The following MAF variants were observed in gnomAD, a reference collection of about 807,000 sequenced individuals.
MAF encodes the protein transcription factor Maf.
Under a neutral mutation model 22.0 loss-of-function variants are expected in MAF, and 10 were observed. The ratio of observed to expected loss-of-function variants is 0.45; its 90% CI spans 0.28 to 0.77. The LOEUF (loss-of-function observed/expected upper bound fraction) is 0.77, where lower values mean the gene tolerates loss of function less well. MAF is among the 30% of genes least tolerant of loss of function. MAF has a pLI of 0.12. For missense variants in MAF, 544 were observed against 548.4 expected (o/e 0.99, Z 0.08); for synonymous variants, 337 against 255.8 (o/e 1.32, Z -3.03).
the MAF span, among the ~76,000 whole-genome samples, chr16:79,318,018 G>C: frequency 6.6e-6 from 1 of 152,106 alleles, no homozygotes; most frequent in East Asian, 1.9e-4. Flanking sequence ...GCCTTTGTTT[G>C]GTTCTTTTAT....
At chr16:79,448,550 C>T in the MAF span, among the ~76,000 whole-genome samples, 4 of 151,832 alleles carry the variant, frequency 2.6e-5, no homozygotes, top group Non-Finnish European at 4.4e-5. Context: ...CTCAGCCTCC[C>T]GAGGAGCTGG....
the MAF span, among the ~76,000 whole-genome samples, chr16:79,349,651 G>C: frequency 6.6e-6 from 1 of 152,150 alleles, no homozygotes; most frequent in Non-Finnish European, 1.5e-5. Context: ...AGAGGATCAT[G>C]CCCTTCACAC....
At chr16:79,352,726 G>A in the MAF span, among the ~76,000 whole-genome samples, 1 of 152,186 alleles carries the variant, frequency 6.6e-6, no homozygotes, top group African/African-American at 2.4e-5. Flanking sequence ...CAGTGCTATG[G>A]GCATTTGGAG....
chr16:79,445,234 G>T, the MAF span, among the ~76,000 whole-genome samples: 4 of 151,550 alleles, frequency 2.6e-5, no homozygotes, highest in East Asian at 5.8e-4. Flanking sequence ...TAGTAGAGAT[G>T]GGGTTTCACC....
At chr16:79,292,848 G>C in the MAF span, among the ~76,000 whole-genome samples, 1 of 152,136 alleles carries the variant, frequency 6.6e-6, no homozygotes, top group African/African-American at 2.4e-5. Flanking sequence ...TAATGCATTA[G>C]CATGCTAAAG....
the MAF span, among the ~76,000 whole-genome samples, chr16:79,574,998 A>T: frequency 6.6e-6 from 1 of 151,266 alleles, no homozygotes; most frequent in Non-Finnish European, 1.5e-5. Flanking sequence ...TCTCAATCCT[A>T]ATTGTACATC....
the MAF span, among the ~76,000 whole-genome samples, chr16:79,567,237 G>C: frequency 6.6e-6 from 1 of 152,102 alleles, no homozygotes; most frequent in Non-Finnish European, 1.5e-5. Context: ...AGAATCGCTT[G>C]AACCCAGGAG....
chr16:79,598,185 C>T (rs1339173344), intron 1 of MAF: 373 of 1,043,882 alleles, frequency 3.6e-4, no homozygotes, highest in Non-Finnish European at 4.3e-4. Flanking sequence ...TCTTTCATCT[C>T]GGAAGAGATG....
At chr16:79,387,063 C>G in the MAF span, among the ~76,000 whole-genome samples, 1 of 152,162 alleles carries the variant, frequency 6.6e-6, no homozygotes, top group Non-Finnish European at 1.5e-5. Flanking sequence ...AAAGTCACAC[C>G]ATCATACCTG....
the MAF span, among the ~76,000 whole-genome samples, chr16:79,479,662 T>C: frequency 2.0e-5 from 3 of 152,220 alleles, no homozygotes; most frequent in African/African-American, 7.2e-5. Flanking sequence ...GTACTGAGTA[T>C]GTGAAAACTC....
chr16:79,589,725 G>C (rs1913074732), downstream of MAF, among the ~76,000 whole-genome samples: 1 of 152,178 alleles, frequency 6.6e-6, no homozygotes, highest in Non-Finnish European at 1.5e-5. Context: ...ATCCCCCGGA[G>C]CTCGCTCGCG....
chr16:79,287,442 G>A, the MAF span, among the ~76,000 whole-genome samples: 8 of 152,192 alleles, frequency 5.3e-5, no homozygotes, highest in African/African-American at 1.7e-4. Flanking sequence ...GAAGCTTGAG[G>A]ACCAGCAGCT....
chr16:79,555,976 G>C, the MAF span, among the ~76,000 whole-genome samples: 1 of 152,018 alleles, frequency 6.6e-6, no homozygotes, highest in Non-Finnish European at 1.5e-5. Context: ...AGGAAGTGAT[G>C]ATTTCGTTTA....
At chr16:79,595,854 A>T (rs1191168375) in intron 1 of MAF, 63 of 1,058,538 alleles carry the variant, frequency 6.0e-5, no homozygotes, top group Non-Finnish European at 7.2e-5. Flanking sequence ...CCAGATATGT[A>T]CTTGGAAATA....
the MAF span, among the ~76,000 whole-genome samples, chr16:79,475,675 G>C: frequency 1.3e-5 from 2 of 152,124 alleles, no homozygotes; most frequent in African/African-American, 4.8e-5. Context: ...AAATTGGGCA[G>C]CTAAGATTTG....
chr16:79,317,684 G>C, the MAF span, among the ~76,000 whole-genome samples: 1 of 152,148 alleles, frequency 6.6e-6, no homozygotes, highest in East Asian at 1.9e-4. Flanking sequence ...CTAGGGTGGA[G>C]GCAGATGCTT....
At chr16:79,476,340 G>A in the MAF span, among the ~76,000 whole-genome samples, 10 of 152,300 alleles carry the variant, frequency 6.6e-5, no homozygotes, top group South Asian at 2.1e-3. Context: ...ATAATATACT[G>A]TGAGATAAAT....
At chr16:79,427,268 G>T in the MAF span, among the ~76,000 whole-genome samples, 7 of 152,180 alleles carry the variant, frequency 4.6e-5, no homozygotes, top group African/African-American at 1.7e-4. Flanking sequence ...TGTTTGGAAA[G>T]AGCCTGGTTC....
At chr16:79,356,789 C>G in the MAF span, among the ~76,000 whole-genome samples, 1 of 152,142 alleles carries the variant, frequency 6.6e-6, no homozygotes, top group Non-Finnish European at 1.5e-5. Flanking sequence ...GGTCCAAGGC[C>G]ACATGCTGTT....
Sources: allele counts gnomAD v4.1 joint callset (sites outside exome capture counted in the v4.1 genomes callset), GRCh38; gene constraint gnomAD v4.1.1; transcripts MANE v1.5; gene names NCBI Gene and HGNC (gene_info 2026-07-23, HGNC 2026-07-21).